Variants in TADA2A observed in about 807,000 individuals in gnomAD.
The protein encoded by TADA2A is transcriptional adapter 2-alpha.
In TADA2A, 38 loss-of-function variants were observed where a neutral mutation model predicts 67.4. The ratio of observed to expected loss-of-function variants is 0.56; its 90% CI spans 0.44 to 0.74. The LOEUF is 0.74. Among genes scored for constraint, TADA2A ranks in the 30% least tolerant of loss-of-function variants. The pLI, the probability that TADA2A is intolerant of heterozygous loss-of-function variation, is 0.00. For missense variants in TADA2A, 454 were observed against 547.0 expected (o/e 0.83, Z 1.70); for synonymous variants, 192 against 181.6 (o/e 1.06, Z -0.46).
At chr17:37,438,255 TTC>T (rs2052792909) in intron 5 of TADA2A, among the ~76,000 whole-genome samples, 2 of 152,154 alleles carry the variant, frequency 1.3e-5, no homozygotes, top group South Asian at 2.1e-4. Context: ...CCTGATAGCA[TTC>T]TCTGTTTTTA....
chr17:37,456,584 T>G (rs2053398935), intron 8 of TADA2A, among the ~76,000 whole-genome samples: 1 of 152,230 alleles, frequency 6.6e-6, no homozygotes. Context: ...TTGAGTTCTG[T>G]CTTGGATAGC....
chr17:37,418,588 T>G (rs575433024), intron 2 of TADA2A, among the ~76,000 whole-genome samples: 1 of 152,186 alleles, frequency 6.6e-6, no homozygotes, highest in African/African-American at 2.4e-5. Context: ...ATTCCACTTT[T>G]TCTTTTTCTT....
intron 6 of TADA2A, 70 bp from the exon 7 acceptor site, chr17:37,442,494 G>C: frequency 9.1e-7 from 1 of 1,100,456 alleles, no homozygotes; most frequent in Non-Finnish European, 1.3e-6. Flanking sequence ...ATTTATTCTT[G>C]GACTATTATG....
At chr17:37,436,775 A>G (rs1433993249) in intron 4 of TADA2A, among the ~76,000 whole-genome samples, 2 of 151,344 alleles carry the variant, frequency 1.3e-5, no homozygotes, top group Non-Finnish European at 2.9e-5. Flanking sequence ...TCCTCCCCAT[A>G]GTAACCTTTT....
intron 11 of TADA2A, 41 bp from the exon 12 acceptor site, chr17:37,467,413 G>T: frequency 2.5e-6 from 4 of 1,574,348 alleles, no homozygotes; most frequent in East Asian, 2.2e-5. Flanking sequence ...TGTTGCTTTT[G>T]TTTTTGTAAT....
intron 6 of TADA2A, 144 bp downstream of exon 6, chr17:37,440,806 C>A: frequency 1.9e-6 from 2 of 1,075,824 alleles, no homozygotes; most frequent in South Asian, 1.5e-5. Flanking sequence ...TATTGAGAGT[C>A]AGGATCGACC....
At chr17:37,451,492 G>C (rs921152683) in intron 8 of TADA2A, among the ~76,000 whole-genome samples, 2 of 150,468 alleles carry the variant, frequency 1.3e-5, no homozygotes, top group Non-Finnish European at 3.0e-5. Context: ...CTATATTTTT[G>C]GTACATTTTT....
At chr17:37,435,736 T>C (rs2052705057) in intron 4 of TADA2A, among the ~76,000 whole-genome samples, 1 of 152,154 alleles carries the variant, frequency 6.6e-6, no homozygotes. Context: ...CGCGCCACCA[T>C]GCCCAGCTAA....
intron 4 of TADA2A, among the ~76,000 whole-genome samples, chr17:37,427,950 C>G (rs2052456748): frequency 1.3e-5 from 2 of 151,932 alleles, no homozygotes; most frequent in African/African-American, 2.4e-5. Flanking sequence ...CCACTGCACT[C>G]CAGCCTGGGC....
At position 37,476,988 on chromosome 17, in the gene TADA2A, C is replaced by T. The variant is rs780487141; in HGVS notation, c.*6C>T. On this transcript the variant is annotated 3_prime_UTR_variant, in exon 16 of 16. Coordinates refer to ENST00000615182, the MANE Select transcript of TADA2A (RefSeq NM_001166105.3). ...GATACATCACTAAAGGCTAAGGCTC[C>T]AAGAGCTTGGGATCAGAAGTCAGAA... 5.6e-6 allele frequency: 9 copies of T among 1,598,498 alleles called. No individual in the cohort carries two copies. The African/African-American group carries it at 6.7e-5, about 12-fold the overall frequency.
chr17:37,423,405 G>C, intron 2 of TADA2A, 104 bp from the exon 3 acceptor site: 4 of 861,348 alleles, frequency 4.6e-6, no homozygotes, highest in Non-Finnish European at 7.2e-6. Context: ...GAACTTTTCA[G>C]CTTAGCTCAC....
Position 37,437,997 on chromosome 17 carries a change from G to A in TADA2A, c.284+168G>A, listed in dbSNP as rs185061473. On this transcript the variant is annotated intron_variant, in intron 5 of 15. Transcript: ENST00000615182. ...CTCTGTACATTATTTTTCCAGTGTCGAAATGTGTCACGAGGATATGGGATG... is the reference window on the plus strand; with the variant it reads ...CTCTGTACATTATTTTTCCAGTGTCAAAATGTGTCACGAGGATATGGGATG... 3.0e-5 allele frequency: 19 copies of A among 635,666 alleles called. No homozygotes were observed. The African/African-American group carries it at 3.1e-4, about 10-fold the overall frequency. The allele number at this position is 635,666 out of a possible 1,614,324, so 39.4% of individuals were successfully genotyped here. A position where few individuals can be genotyped will look rare whatever the true frequency, so the allele number is the denominator to read the frequency against.
chr17:37,458,007 C>T (rs4795201), intron 8 of TADA2A, among the ~76,000 whole-genome samples: 1 of 151,798 alleles, frequency 6.6e-6, no homozygotes, highest in African/African-American at 2.4e-5. Flanking sequence ...TTTGTTATAC[C>T]GATTATTGCA....
chr17:37,439,937 TATTTA>T (rs147138076), intron 5 of TADA2A, among the ~76,000 whole-genome samples: 20 of 85,744 alleles, frequency 2.3e-4, no homozygotes, highest in African/African-American at 9.8e-4. Context: ...TTTATTTATT[TATTTA>T]TTATTTTTTT....
At chr17:37,437,665 G>C in intron 4 of TADA2A, 73 bp from the exon 5 acceptor site, 6 of 1,371,920 alleles carry the variant, frequency 4.4e-6, no homozygotes, top group Admixed American at 1.7e-5. Context: ...GGGAGTATAG[G>C]CGTGAGCCAC....
chr17:37,474,469 C>A, intron 14 of TADA2A, 87 bp from the exon 15 acceptor site: 1 of 1,283,964 alleles, frequency 7.8e-7, no homozygotes, highest in Non-Finnish European at 1.1e-6. Flanking sequence ...ACCTAACTGG[C>A]CTGGCTGCAC....
At chr17:37,435,430 A>G (rs1251210959) in intron 4 of TADA2A, among the ~76,000 whole-genome samples, 3 of 152,078 alleles carry the variant, frequency 2.0e-5, no homozygotes, top group Non-Finnish European at 4.4e-5. Flanking sequence ...CTGGGACTAC[A>G]GGCACCTGCC....
At chr17:37,464,605 C>T (rs544570980) in intron 10 of TADA2A, among the ~76,000 whole-genome samples, 10 of 151,338 alleles carry the variant, frequency 6.6e-5, no homozygotes, top group African/African-American at 1.9e-4. Flanking sequence ...TTTGGGAGGC[C>T]GAGGCGAGCA....
chr17:37,417,695 C>T (rs1399329624), intron 2 of TADA2A, among the ~76,000 whole-genome samples: 1 of 151,856 alleles, frequency 6.6e-6, no homozygotes, highest in East Asian at 2.0e-4. Context: ...TCACCAGGCC[C>T]AGACAATTTT....
Sources: allele counts gnomAD v4.1 joint callset (sites outside exome capture counted in the v4.1 genomes callset), GRCh38; gene constraint gnomAD v4.1.1; transcripts MANE v1.5; gene names NCBI Gene and HGNC (gene_info 2026-07-23, HGNC 2026-07-21).